Variants in SERGEF observed in about 807,000 individuals in gnomAD.
SERGEF encodes the protein secretion-regulating guanine nucleotide exchange factor.
In SERGEF, 51 loss-of-function variants were observed where a neutral mutation model predicts 50.0. That is an observed-to-expected ratio of 1.02 (90% CI 0.81 to 1.29). The LOEUF (loss-of-function observed/expected upper bound fraction) is 1.29, where lower values mean the gene tolerates loss of function less well. Among genes scored for constraint, SERGEF ranks in the 50% most tolerant of loss-of-function variants. SERGEF has a pLI of 0.00. For missense variants in SERGEF, 521 were observed against 557.0 expected, an observed-to-expected ratio of 0.94 and a Z score of 0.65; for synonymous variants, 205 against 212.4, an observed-to-expected ratio of 0.97 and a Z score of 0.30.
At chr11:18,002,079 C>G (rs139851162) in intron 4 of SERGEF, 1 of 455,194 alleles carries the variant, frequency 2.2e-6, no homozygotes. Context: ...AGTCCACAAT[C>G]ACATTAGCTT....
chr11:17,914,419 A>ATTAT (rs1852010612), intron 9 of SERGEF, among the ~76,000 whole-genome samples: 1 of 151,110 alleles, frequency 6.6e-6, no homozygotes, highest in Non-Finnish European at 1.5e-5. Context: ...TATTTTTTTA[A>ATTAT]TTTATTTTAT....
chr11:17,861,373 G>A (rs556719655), intron 10 of SERGEF, among the ~76,000 whole-genome samples: 45 of 152,312 alleles, frequency 3.0e-4, no homozygotes, highest in South Asian at 8.3e-4. Flanking sequence ...AATCTTGCCC[G>A]TGGTCAGATA....
chr11:17,976,457 A>ATTTTTTTTTTTTTTTTTTTT (rs67114053), intron 8 of SERGEF, among the ~76,000 whole-genome samples: 1 of 99,030 alleles, frequency 1.0e-5, no homozygotes, highest in African/African-American at 3.9e-5. Context: ...GCTAATTTTC[A>ATTTTTTTTTTTTTTTTTTTT]TTTTTTTTTT....
rs151037219 is a variant in SERGEF at position 17,927,205 on chromosome 11, T to A, written c.1011+32265A>T. On this transcript the variant is annotated intron_variant, in intron 9 of 10. Transcript: ENST00000265965. ...GGGTTAACCCACACTAGAGACTCAT[T>A]TGGGGCCATCTGGCAATTTTTGGCA... Among the ~76,000 whole-genome samples, 1,020 of 152,240 alleles carry A rather than the reference T, an allele frequency of 6.7e-3. 10 individuals are homozygous for A. The highest frequency in any genetic ancestry group is 0.023 in the African/African-American group (969 of 41,548).
rs574200306 is a variant in SERGEF, at chr11:17,800,150, A to T, written c.1049-11737T>A. 4.6e-5 allele frequency among the ~76,000 whole-genome samples: 7 copies of T among 152,284 alleles called. No individual in the cohort carries two copies. In the East Asian group the frequency reaches 1.4e-3, roughly 29 times the overall value. ...TAATACTTTTAATATATATTAATGA[A>T]TTTTTTTCCTTTTAAATAGACTATT... On this transcript the variant is annotated intron_variant, in intron 10 of 10. Coordinates refer to ENST00000265965, the MANE Select transcript of SERGEF (RefSeq NM_012139.4).
At chr11:17,863,344 C>T (rs1850960374) in intron 10 of SERGEF, among the ~76,000 whole-genome samples, 1 of 152,200 alleles carries the variant, frequency 6.6e-6, no homozygotes, top group Non-Finnish European at 1.5e-5. Flanking sequence ...CACGATAGTT[C>T]TACACTGTCT....
intron 9 of SERGEF, among the ~76,000 whole-genome samples, chr11:17,931,183 A>G (rs1185760332): frequency 1.3e-5 from 2 of 152,200 alleles, no homozygotes. Flanking sequence ...TAGAAAGACT[A>G]ATCAATATAA....
chr11:17,954,273 T>C (rs1182893556), intron 9 of SERGEF, among the ~76,000 whole-genome samples: 1 of 152,182 alleles, frequency 6.6e-6, no homozygotes, highest in African/African-American at 2.4e-5. Context: ...CCCACAGTCT[T>C]GACACAAACT....
chr11:17,800,961 C>T (rs1849657096), intron 10 of SERGEF, among the ~76,000 whole-genome samples: 1 of 151,916 alleles, frequency 6.6e-6, no homozygotes, highest in African/African-American at 2.4e-5. Context: ...TTTGGGAGGC[C>T]GAGGCGGGTG....
At chr11:17,886,338 G>A (rs529604605) in intron 9 of SERGEF, among the ~76,000 whole-genome samples, 4 of 152,234 alleles carry the variant, frequency 2.6e-5, no homozygotes, top group African/African-American at 4.8e-5. Flanking sequence ...AGCTGGACAC[G>A]GTGGCACACA....
Position 17,794,391 on chromosome 11 carries a change from A to T in SERGEF, c.1049-5978T>A, listed in dbSNP as rs139993386. On this transcript the variant is annotated intron_variant, in intron 10 of 10. Transcript: ENST00000265965. Reference sequence around the variant, plus strand: ...GGATGGTGCTTCTCAGTTTCATAAAAATGTCACCTTAATTTCCACGGCAAC... The same window carrying T: ...GGATGGTGCTTCTCAGTTTCATAAATATGTCACCTTAATTTCCACGGCAAC... Among the ~76,000 whole-genome samples, 831 of 152,250 alleles carry T rather than the reference A, an allele frequency of 5.5e-3. 5 individuals carry two copies. Among genetic ancestry groups the T allele is most frequent in the Middle Eastern group, 0.034 (10 of 294 alleles).
intron 10 of SERGEF, among the ~76,000 whole-genome samples, chr11:17,821,185 T>C (rs886530535): frequency 6.6e-6 from 1 of 152,214 alleles, no homozygotes; most frequent in African/African-American, 2.4e-5. Flanking sequence ...ATGGCCCTGC[T>C]GACACCTTGA....
At chr11:17,904,803 A>G (rs551652075) in intron 9 of SERGEF, among the ~76,000 whole-genome samples, 1 of 152,314 alleles carries the variant, frequency 6.6e-6, no homozygotes, top group South Asian at 2.1e-4. Flanking sequence ...CTGACCCAAA[A>G]CACAATGCAA....
intron 10 of SERGEF, among the ~76,000 whole-genome samples, chr11:17,791,301 CAA>C (rs950010884): frequency 1.3e-4 from 20 of 152,304 alleles, no homozygotes; most frequent in African/African-American, 4.6e-4. Flanking sequence ...AATTCCTGGT[CAA>C]AGAGTATAGG....
intron 9 of SERGEF, among the ~76,000 whole-genome samples, chr11:17,906,337 C>A (rs1312455182): frequency 1.3e-5 from 2 of 152,208 alleles, no homozygotes; most frequent in African/African-American, 4.8e-5. Flanking sequence ...GTTTAGAATA[C>A]CAGTGGCTAA....
At chr11:17,986,458 A>C (rs1219453145) in intron 8 of SERGEF, among the ~76,000 whole-genome samples, 1 of 152,230 alleles carries the variant, frequency 6.6e-6, no homozygotes, top group Non-Finnish European at 1.5e-5. Flanking sequence ...ACGTTACCAA[A>C]AAATCATGCT....
intron 10 of SERGEF, among the ~76,000 whole-genome samples, chr11:17,869,162 G>C (rs2525891): frequency 8.6e-5 from 13 of 152,022 alleles, no homozygotes; most frequent in Admixed American, 4.6e-4. Context: ...TACTCTGGAG[G>C]AGAGAAGGAT....
chr11:17,993,016 C>T (rs621113), intron 6 of SERGEF, 23 bp from the exon 7 acceptor site: 5 of 1,605,206 alleles, frequency 3.1e-6, no homozygotes, highest in Non-Finnish European at 4.3e-6. Flanking sequence ...AAATGTTCTT[C>T]TGAATTACAT....
chr11:17,806,974 G>T (rs1849770161), intron 10 of SERGEF, among the ~76,000 whole-genome samples: 1 of 151,948 alleles, frequency 6.6e-6, no homozygotes, highest in African/African-American at 2.4e-5. Flanking sequence ...CTCTCCTCCA[G>T]GAGGTCTCTT....
Sources: gnomAD v4.1 joint callset for allele counts (sites outside exome capture counted in the v4.1 genomes callset) on GRCh38, gnomAD v4.1.1 for gene constraint, MANE v1.5 for transcripts, NCBI Gene and HGNC (gene_info 2026-07-23, HGNC 2026-07-21) for gene names.